Variants in GTF2H1 observed in about 807,000 individuals in gnomAD.
The protein encoded by GTF2H1 is BTF2 p62.
In GTF2H1, 16 loss-of-function variants were observed where a neutral mutation model predicts 71.2. The observed-to-expected ratio is 0.22, with a 90% CI of 0.15 to 0.34. The LOEUF is 0.34. Among genes scored for constraint, GTF2H1 ranks in the 10% least tolerant of loss-of-function variants. The pLI is 1.00. For missense variants in GTF2H1, 498 were observed against 648.2 expected (o/e 0.77, Z 2.52); for synonymous variants, 215 against 219.0 (o/e 0.98, Z 0.16).
At chr11:18,336,030 C>T in intron 3 of GTF2H1, 84 bp downstream of exon 3, 1 of 934,410 alleles carries the variant, frequency 1.1e-6, no homozygotes, top group Non-Finnish European at 1.5e-6. Flanking sequence ...TAGCTATCCC[C>T]ACGTTTTTTC....
rs1247700162 is a variant in GTF2H1 at position 18,357,091 on chromosome 11, A to G, written c.1261-861A>G. On this transcript the variant is annotated intron_variant, in intron 11 of 14. Coordinates refer to ENST00000265963, the MANE Select transcript of GTF2H1 (RefSeq NM_005316.4). ...TTGTCCCATACTGTACTTTTACACT[A>G]AGTTGAAAAAATGTTTTCATCCAAT... Among the ~76,000 whole-genome samples the G allele has an allele frequency of 2.0e-5, 3 of 152,130 alleles. No individual in the cohort carries two copies. The East Asian group carries it at 5.8e-4, about 29-fold the overall frequency.
chr11:18,322,774 T>TG (rs1374394577), intron 1 of GTF2H1, 34 bp downstream of exon 1: 2 of 1,498 alleles, frequency 1.3e-3, no homozygotes, highest in Non-Finnish European at 2.8e-3. Context: ...GGCGGGCGGG[T>TG]GGGTGGGCGG....
At chr11:18,359,179 G>C (rs2133989153) in intron 13 of GTF2H1, among the ~76,000 whole-genome samples, 1 of 152,316 alleles carries the variant, frequency 6.6e-6, no homozygotes, top group African/African-American at 2.4e-5. Flanking sequence ...AAAGAATGGA[G>C]TGGCCTAGGA....
At chr11:18,328,992 T>C (rs1864834806) in intron 1 of GTF2H1, among the ~76,000 whole-genome samples, 1 of 152,230 alleles carries the variant, frequency 6.6e-6, no homozygotes, top group African/African-American at 2.4e-5. Flanking sequence ...TTATTAAGAA[T>C]TGTGATCCTT....
rs1402468580 is a variant in GTF2H1 at position 18,366,898 on chromosome 11, A to AG, written c.*1029_*1030insG. ...AGTGACTGAAAAGCCTAAGTGCAAA[A>AG]AAAAAAAAAAAAGATGTTCTTGTTT... On this transcript the variant is annotated 3_prime_UTR_variant, in exon 15 of 15. Coordinates refer to ENST00000265963, the MANE Select transcript of GTF2H1 (RefSeq NM_005316.4). 2 of 151,442 alleles carry AG rather than the reference A, an allele frequency of 1.3e-5. No individual in the cohort carries two copies. Among genetic ancestry groups the AG allele is most frequent in the Non-Finnish European group, 2.9e-5 (2 of 67,822 alleles). 9.4% of individuals were successfully genotyped at this position (151,442 alleles called of 1,614,324 possible).
At chr11:18,329,600 G>A (rs1864847184) in intron 1 of GTF2H1, among the ~76,000 whole-genome samples, 1 of 152,250 alleles carries the variant, frequency 6.6e-6, no homozygotes, top group Non-Finnish European at 1.5e-5. Context: ...ACATGGGGTG[G>A]CCTTCTCCAC....
At chr11:18,349,640 G>A (rs569904065) in intron 9 of GTF2H1, among the ~76,000 whole-genome samples, 5 of 152,272 alleles carry the variant, frequency 3.3e-5, no homozygotes, top group South Asian at 2.1e-4. Context: ...CTGGGATCGC[G>A]TCGCTGCACT....
At chr11:18,357,340 A>G (rs903627135) in intron 11 of GTF2H1, among the ~76,000 whole-genome samples, 1 of 152,022 alleles carries the variant, frequency 6.6e-6, no homozygotes, top group Admixed American at 6.6e-5. Context: ...GGCTATATTT[A>G]TTCACTTCCT....
At chr11:18,351,762 G>C in intron 9 of GTF2H1, 119 bp from the exon 10 acceptor site, 1 of 587,526 alleles carries the variant, frequency 1.7e-6, no homozygotes, top group East Asian at 2.7e-5. Flanking sequence ...TCTAGGAAGA[G>C]AAGCTCATGG....
intron 4 of GTF2H1, among the ~76,000 whole-genome samples, chr11:18,339,112 T>C (rs1865098619): frequency 6.6e-6 from 1 of 152,248 alleles, no homozygotes; most frequent in African/African-American, 2.4e-5. Context: ...CAGAATAGTA[T>C]TAACACATTC....
chr11:18,365,621 G>A (rs989858170), intron 14 of GTF2H1, among the ~76,000 whole-genome samples, 162 bp from the exon 15 acceptor site: 5 of 152,052 alleles, frequency 3.3e-5, no homozygotes, highest in African/African-American at 9.7e-5. Context: ...CACAAAATGT[G>A]TCTGACAGCA....
chr11:18,356,461 A>G (rs551677685), intron 11 of GTF2H1, among the ~76,000 whole-genome samples: 93 of 152,188 alleles, frequency 6.1e-4, no homozygotes, highest in Middle Eastern at 3.4e-3. Flanking sequence ...GAAAATACAT[A>G]TGTGTACATA....
chr11:18,337,765 G>A (rs1242979444), intron 3 of GTF2H1, among the ~76,000 whole-genome samples: 1 of 152,012 alleles, frequency 6.6e-6, no homozygotes, highest in African/African-American at 2.4e-5. Context: ...TTTATCTAAC[G>A]GACTTGAGCA....
At chr11:18,341,165 TG>T in intron 5 of GTF2H1, 95 bp from the exon 6 acceptor site, 1 of 847,782 alleles carries the variant, frequency 1.2e-6, no homozygotes, top group Non-Finnish European at 1.9e-6. Flanking sequence ...GAGAGCTTTA[TG>T]GTCTAGATTT....
chr11:18,336,033 G>T, intron 3 of GTF2H1, 87 bp downstream of exon 3: 1 of 909,768 alleles, frequency 1.1e-6, no homozygotes, highest in Non-Finnish European at 1.6e-6. Context: ...CTATCCCCAC[G>T]TTTTTTCGGT....
chr11:18,341,193 G>GT, intron 5 of GTF2H1, 68 bp from the exon 6 acceptor site: 2 of 1,234,806 alleles, frequency 1.6e-6, no homozygotes, highest in Non-Finnish European at 2.3e-6. Context: ...TTGTATTTCA[G>GT]TTACCTAATT....
At chr11:18,324,548 C>T (rs1420354181) in intron 1 of GTF2H1, among the ~76,000 whole-genome samples, 1 of 152,182 alleles carries the variant, frequency 6.6e-6, no homozygotes, top group Non-Finnish European at 1.5e-5. Context: ...CTCTGATAAC[C>T]TGCTTCTCTG....
chr11:18,353,399 A>G (rs1865472021), intron 11 of GTF2H1, among the ~76,000 whole-genome samples: 1 of 152,202 alleles, frequency 6.6e-6, no homozygotes, highest in Non-Finnish European at 1.5e-5. Context: ...CTTCAGCGAT[A>G]GTCTCCGCTA....
intron 3 of GTF2H1, 72 bp downstream of exon 3, chr11:18,336,018 G>A: frequency 5.9e-6 from 6 of 1,022,564 alleles, no homozygotes; most frequent in South Asian, 2.1e-5. Context: ...CTAATAGCTT[G>A]TTAGCTATCC....
Sources: gnomAD v4.1 joint callset for allele counts (sites outside exome capture counted in the v4.1 genomes callset) on GRCh38, gnomAD v4.1.1 for gene constraint, MANE v1.5 for transcripts, NCBI Gene and HGNC (gene_info 2026-07-23, HGNC 2026-07-21) for gene names.